The following NBAS variants were observed in gnomAD, a reference collection of about 807,000 sequenced individuals.
NBAS encodes NBAS subunit of NRZ tethering complex.
In NBAS, 219 loss-of-function variants were observed where a neutral mutation model predicts 302.5. The observed-to-expected ratio is 0.72, with a 90% CI of 0.65 to 0.81. NBAS has a LOEUF of 0.81. NBAS is among the 30% of genes least tolerant of loss of function. The pLI is 0.00. For synonymous variants in NBAS, 1,118 were observed against 1,021.6 expected (o/e 1.09, Z -1.80); for missense variants, 2,932 against 2,841.6 (o/e 1.03, Z -0.72).
rs1131692172 is a variant in NBAS, at chr2:15,467,361, A to G, written c.2065T>C (p.Leu689=). The G allele has an allele frequency of 1.2e-6, 2 of 1,613,636 alleles. No homozygotes were observed. Among genetic ancestry groups the G allele is most frequent in the Non-Finnish European group, 1.7e-6 (2 of 1,179,670 alleles). The change falls in exon 19 of 52, where the codon TTA becomes CTA. Residue 689 remains leucine (L), a synonymous_variant. Transcript: ENST00000281513. ...KELCRCRRKL[L]TYLDRLATYE... is the part of the protein sequence containing the mutation. ...GTTGCAAGTCGATCTAAGTAGGTTA[A>G]TAACTTCCGTCTACAACGGCAAAGT...
the NBAS span, among the ~76,000 whole-genome samples, chr2:14,965,387 T>C: frequency 6.6e-6 from 1 of 152,126 alleles, no homozygotes; most frequent in Admixed American, 6.5e-5. Flanking sequence ...TTCGAAAAGG[T>C]TAAGAACAAT....
Position 15,478,231 on chromosome 2 carries a change from A to AT in NBAS, c.1141dup (p.Ile381AsnfsTer4), listed in dbSNP as rs772472509. The AT allele has an allele frequency of 1.4e-5, 23 of 1,593,412 alleles. No homozygotes were observed. The highest frequency in any genetic ancestry group is 2.7e-5 in the African/African-American group (2 of 74,442). On this transcript the variant is annotated frameshift_variant, in exon 13 of 52. Coordinates refer to ENST00000281513, the MANE Select transcript of NBAS (RefSeq NM_015909.4). LOFTEE classifies it high-confidence loss of function. ...TCACATTTCGTAGAACTCACCTTTG[A>AT]TTTTTTTTCTCTTCTCAGTAGAGAG...
chr2:14,908,148 G>A, the NBAS span, among the ~76,000 whole-genome samples: 1 of 152,208 alleles, frequency 6.6e-6, no homozygotes, highest in Admixed American at 6.5e-5. Context: ...CGGATCACAA[G>A]GTCAGGAGAT....
chr2:15,070,718 C>A, the NBAS span, among the ~76,000 whole-genome samples: 1 of 152,206 alleles, frequency 6.6e-6, no homozygotes, highest in African/African-American at 2.4e-5. Context: ...GTCCTCAGGA[C>A]CCCACACAAC....
At chr2:15,193,156 G>T (rs916665121) in intron 48 of NBAS, among the ~76,000 whole-genome samples, 4 of 152,052 alleles carry the variant, frequency 2.6e-5, no homozygotes, top group African/African-American at 9.7e-5. Context: ...TTAAGAGTAT[G>T]TCTTTGTCAG....
intron 19 of NBAS, among the ~76,000 whole-genome samples, chr2:15,464,634 T>C (rs1679644885): frequency 6.6e-6 from 1 of 152,212 alleles, no homozygotes; most frequent in African/African-American, 2.4e-5. Flanking sequence ...ACCACCATCT[T>C]CTCTGCCCCT....
In NBAS at chr2:15,495,140, A is replaced by C. The variant is rs773137953; in HGVS notation, c.955-6118T>G. Reference sequence around the variant, plus strand: ...ATGGAAACTGGGGGAAGTTATGCACACTCCAATAGCAGGAGCGTGACAAGA... The same window carrying C: ...ATGGAAACTGGGGGAAGTTATGCACCCTCCAATAGCAGGAGCGTGACAAGA... On this transcript the variant is annotated intron_variant, in intron 11 of 51. Coordinates refer to ENST00000281513, the MANE Select transcript of NBAS (RefSeq NM_015909.4). Among the ~76,000 whole-genome samples, 5 of 152,222 alleles carry C rather than the reference A, an allele frequency of 3.3e-5. No homozygotes were observed. In the East Asian group the frequency reaches 5.8e-4, roughly 18 times the overall value.
chr2:15,241,493 C>T (rs1056312164), intron 44 of NBAS, among the ~76,000 whole-genome samples: 1 of 152,118 alleles, frequency 6.6e-6, no homozygotes, highest in Non-Finnish European at 1.5e-5. Flanking sequence ...GCAGGAAGAA[C>T]AATACATTCA....
the NBAS span, among the ~76,000 whole-genome samples, chr2:14,821,061 G>A: frequency 6.6e-6 from 1 of 152,086 alleles, no homozygotes; most frequent in African/African-American, 2.4e-5. Context: ...CATGTAGCTG[G>A]GACTACAGGC....
In NBAS at chr2:15,341,162, G is replaced by A. The variant is rs117568903; in HGVS notation, c.4180-10397C>T. On this transcript the variant is annotated intron_variant, in intron 35 of 51. Transcript: ENST00000281513. ...GTGCTTTAGGAGGCCGAAGTGGGCAGATCACTTGAGGCCAAGAGTTCAAGA... is the reference window on the plus strand; with the variant it reads ...GTGCTTTAGGAGGCCGAAGTGGGCAAATCACTTGAGGCCAAGAGTTCAAGA... 9.1e-4 allele frequency among the ~76,000 whole-genome samples: 139 copies of A among 152,264 alleles called. 1 individual carries two copies. In the East Asian group the frequency reaches 0.024, roughly 26 times the overall value.
At chr2:15,510,770 G>C (rs1209274732) in intron 10 of NBAS, among the ~76,000 whole-genome samples, 1 of 152,148 alleles carries the variant, frequency 6.6e-6, no homozygotes, top group Non-Finnish European at 1.5e-5. Context: ...CTAGCTGGAT[G>C]ATCAGGGCAA....
chr2:14,908,926 A>G, the NBAS span, among the ~76,000 whole-genome samples: 2 of 152,152 alleles, frequency 1.3e-5, no homozygotes, highest in Non-Finnish European at 2.9e-5. Context: ...AGGGAATTGT[A>G]GAAAGATCCA....
chr2:15,237,566 ATT>A lies in NBAS; in HGVS notation c.5943+900_5943+901del, dbSNP rs1358617911. 9.6e-5 allele frequency among the ~76,000 whole-genome samples: 9 copies of A among 93,834 alleles called. No individual in the cohort carries two copies. The East Asian group carries it at 3.0e-3, about 32-fold the overall frequency. 61.6% of individuals were successfully genotyped at this position (93,834 alleles called of 152,430 possible). On this transcript the variant is annotated intron_variant, in intron 45 of 51. Transcript: ENST00000281513. ...GAGGGAAAAGAAAATCAAAATATTTATTTATTTATTTATTTATTTATTTATTT... is the reference window on the plus strand; with the variant it reads ...GAGGGAAAAGAAAATCAAAATATTTATATTTATTTATTTATTTATTTATTT...
At chr2:15,277,913 C>G (rs1420590958) in intron 42 of NBAS, among the ~76,000 whole-genome samples, 1 of 152,102 alleles carries the variant, frequency 6.6e-6, no homozygotes, top group Non-Finnish European at 1.5e-5. Flanking sequence ...CTCAATGCCC[C>G]TTACGTGATG....
At chr2:15,135,523 C>T in the NBAS span, among the ~76,000 whole-genome samples, 13 of 152,056 alleles carry the variant, frequency 8.5e-5, no homozygotes, top group South Asian at 8.3e-4. Flanking sequence ...CCCTGCTGCA[C>T]GGTACACAGA....
chr2:15,547,869 G>A (rs1472749588), intron 6 of NBAS, among the ~76,000 whole-genome samples: 1 of 152,162 alleles, frequency 6.6e-6, no homozygotes, highest in African/African-American at 2.4e-5. Flanking sequence ...TTCAAAAAGG[G>A]CTAGAGCCCC....
chr2:14,974,383 G>T, the NBAS span, among the ~76,000 whole-genome samples: 1 of 152,206 alleles, frequency 6.6e-6, no homozygotes, highest in Non-Finnish European at 1.5e-5. Context: ...ACATGGCATG[G>T]GGCCAGAGAA....
chr2:15,114,328 T>C, the NBAS span, among the ~76,000 whole-genome samples: 1 of 152,162 alleles, frequency 6.6e-6, no homozygotes, highest in African/African-American at 2.4e-5. Flanking sequence ...TAGATGGACC[T>C]CCTCTCCTGG....
At chr2:15,313,024 A>G (rs1025262281) in intron 38 of NBAS, among the ~76,000 whole-genome samples, 6 of 152,194 alleles carry the variant, frequency 3.9e-5, no homozygotes, top group Admixed American at 2.6e-4. Context: ...AATTTTACTC[A>G]AGCACTCAGT....
Sources: allele counts gnomAD v4.1 joint callset (sites outside exome capture counted in the v4.1 genomes callset), GRCh38; gene constraint gnomAD v4.1.1; transcripts MANE v1.5; gene names NCBI Gene and HGNC (gene_info 2026-07-23, HGNC 2026-07-21).